The following PRPF38A variants were observed in gnomAD, a reference collection of about 807,000 sequenced individuals.
PRPF38A encodes pre-mRNA-splicing factor 38A.
PRPF38A carries 11 observed loss-of-function variants against 46.8 expected under a neutral mutation model. That is an observed-to-expected ratio of 0.24 (90% CI 0.15 to 0.39). PRPF38A has a LOEUF of 0.39. Among genes scored for constraint, PRPF38A ranks in the 10% least tolerant of loss-of-function variants. PRPF38A has a pLI of 1.00. For missense variants in PRPF38A, 261 were observed against 407.5 expected, an observed-to-expected ratio of 0.64 and a Z score of 3.10; for synonymous variants, 124 against 136.2, an observed-to-expected ratio of 0.91 and a Z score of 0.62.
chr1:52,405,609 C>A, intron 1 of PRPF38A, 71 bp from the exon 2 acceptor site: 2 of 1,466,836 alleles, frequency 1.4e-6, no homozygotes, highest in African/African-American at 1.4e-5. Context: ...AGAACCAAAG[C>A]TTGAACTAAC....
At position 52,418,550 on chromosome 1, in the gene PRPF38A, G is replaced by A. The variant is rs151261924; in HGVS notation, c.*1860G>A. On this transcript the variant is annotated 3_prime_UTR_variant, in exon 10 of 10. Coordinates refer to ENST00000257181, the MANE Select transcript of PRPF38A (RefSeq NM_032864.4). ...CCTAAACAAACATTAAAACATACTTGTTTAGACATATGGTAATATGTGGAC... is the reference window on the plus strand; with the variant it reads ...CCTAAACAAACATTAAAACATACTTATTTAGACATATGGTAATATGTGGAC... 1.6e-4 allele frequency: 25 copies of A among 152,282 alleles called. No homozygotes were observed. The East Asian group carries it at 4.8e-3, about 29-fold the overall frequency. The allele number at this position is 152,282 out of a possible 1,614,324, so 9.4% of individuals were successfully genotyped here.
chr1:52,410,732 C>T (rs1648128345), intron 3 of PRPF38A, among the ~76,000 whole-genome samples: 1 of 152,158 alleles, frequency 6.6e-6, no homozygotes, highest in African/African-American at 2.4e-5. Flanking sequence ...GAACTCCTAA[C>T]CTCAAGTGAT....
intron 6 of PRPF38A, 102 bp from the exon 7 acceptor site, chr1:52,414,518 TG>T: frequency 8.5e-7 from 1 of 1,170,912 alleles, no homozygotes; most frequent in African/African-American, 1.5e-5. Context: ...GATACAGAGG[TG>T]GGTGATACAG....
At chr1:52,414,026 T>G in intron 6 of PRPF38A, 35 bp downstream of exon 6, 1 of 1,413,594 alleles carries the variant, frequency 7.1e-7, no homozygotes, top group Non-Finnish European at 1.0e-6. Context: ...CCCAGAAGAT[T>G]TTGAGCACTG....
chr1:52,413,892 C>T lies in PRPF38A; in HGVS notation c.623C>T (p.Pro208Leu), dbSNP rs1648217386. 6 of 1,612,376 alleles carry T rather than the reference C, an allele frequency of 3.7e-6. No homozygotes were observed. The highest frequency in any genetic ancestry group is 1.3e-5 in the African/African-American group (1 of 74,804). ...TCTTGTTTCCAGTTGGAAAGAGTGC[C>T]ATCACCTGATCACCGCCGGAGAAGC... ...EEEDEKLERVPSPDHRRRSYR... is the reference protein window; with the variant it reads ...EEEDEKLERVLSPDHRRRSYR... Residue 208 changes from proline to leucine, a missense_variant, in exon 6 of 10, where the codon CCA (proline) becomes CTA (leucine). By Grantham distance (98) the Pro-to-Leu change is moderately conservative. Around this residue, in one of 2 missense-constraint regions of PRPF38A, gnomAD observed 180 missense variants for 221.0 expected, o/e 0.81. Coordinates refer to ENST00000257181, the MANE Select transcript of PRPF38A (RefSeq NM_032864.4).
At chr1:52,414,434 T>C (rs1648233858) in intron 6 of PRPF38A, among the ~76,000 whole-genome samples, 187 bp from the exon 7 acceptor site, 1 of 152,160 alleles carries the variant, frequency 6.6e-6, no homozygotes, top group Non-Finnish European at 1.5e-5. Context: ...AATATCTCAT[T>C]AGCCAAAGCG....
In PRPF38A at chr1:52,408,839, A is replaced by G. The variant is rs1159603539; in HGVS notation, c.412+149A>G. 3 of 990,046 alleles carry G rather than the reference A, an allele frequency of 3.0e-6. No homozygotes were observed. In the East Asian group the frequency reaches 8.0e-5, roughly 26 times the overall value. The allele number at this position is 990,046 out of a possible 1,614,324, so 61.3% of individuals were successfully genotyped here. On this transcript the variant is annotated intron_variant, in intron 3 of 9. Transcript: ENST00000257181. Reference sequence around the variant, plus strand: ...CTATGCAGGTTTTCCCTTGTCCCTCATGGGAGTTTTCAGTCTGACTACTAG... The same window carrying G: ...CTATGCAGGTTTTCCCTTGTCCCTCGTGGGAGTTTTCAGTCTGACTACTAG...
rs1648315958 is a variant in PRPF38A, at chr1:52,417,119, A to C, written c.*429A>C. 6.3e-6 allele frequency: 1 copy of C among 158,334 alleles called. No homozygotes were observed. Among genetic ancestry groups the C allele is most frequent in the South Asian group, 1.9e-4 (1 of 5,258 alleles). The allele number at this position is 158,334 out of a possible 1,614,324, so 9.8% of individuals were successfully genotyped here. On this transcript the variant is annotated 3_prime_UTR_variant, in exon 10 of 10. Transcript: ENST00000257181. ...TGTTATTCAAAGATCAAAGGAGTAAAACATAGTTGCTCCTAACTTTTTTCC... is the reference window on the plus strand; with the variant it reads ...TGTTATTCAAAGATCAAAGGAGTAACACATAGTTGCTCCTAACTTTTTTCC...
Position 52,418,026 on chromosome 1 carries a change from TG to T in PRPF38A, c.*1337del. On this transcript the variant is annotated 3_prime_UTR_variant, in exon 10 of 10. Transcript: ENST00000257181. ...AAAGTGATGGAATGACTTCTGCAAC[TG>T]TAGTCCCAGCAGGAACTGTGAAGAC... The T allele has an allele frequency of 1.3e-5, 2 of 152,764 alleles. No individual in the cohort carries two copies. Among genetic ancestry groups the T allele is most frequent in the Admixed American group, 1.3e-4 (2 of 15,300 alleles). The allele number at this position is 152,764 out of a possible 1,614,324, so 9.5% of individuals were successfully genotyped here.
At position 52,418,805 on chromosome 1, in the gene PRPF38A, T is replaced by C. The variant is rs1004645899; in HGVS notation, c.*2115T>C. On this transcript the variant is annotated 3_prime_UTR_variant, in exon 10 of 10. Transcript: ENST00000257181. Reference sequence around the variant, plus strand: ...AACTTTTTGACTACAGCATACATTTTAAAAACGTATTTTACATCTTACCTC... The same window carrying C: ...AACTTTTTGACTACAGCATACATTTCAAAAACGTATTTTACATCTTACCTC... 6.6e-6 allele frequency: 1 copy of C among 152,240 alleles called. No individual in the cohort carries two copies. The highest frequency in any genetic ancestry group is 1.5e-5 in the Non-Finnish European group (1 of 68,044). The allele number at this position is 152,240 out of a possible 1,614,324, so 9.4% of individuals were successfully genotyped here. A position where few individuals can be genotyped will look rare whatever the true frequency, so the allele number is the denominator to read the frequency against.
In PRPF38A at chr1:52,418,124, T is replaced by C. The variant is rs985544938; in HGVS notation, c.*1434T>C. The C allele has an allele frequency of 2.6e-5, 4 of 152,672 alleles. No homozygotes were observed. The highest frequency in any genetic ancestry group is 9.6e-5 in the African/African-American group (4 of 41,456). 9.5% of individuals were successfully genotyped at this position (152,672 alleles called of 1,614,324 possible). Reference sequence around the variant, plus strand: ...CATAAGGTAAACATTCTATATATTCTATGCCTGCTCTAGAATTGAAAGACT... The same window carrying C: ...CATAAGGTAAACATTCTATATATTCCATGCCTGCTCTAGAATTGAAAGACT... On this transcript the variant is annotated 3_prime_UTR_variant, in exon 10 of 10. Coordinates refer to ENST00000257181, the MANE Select transcript of PRPF38A (RefSeq NM_032864.4).
At chr1:52,414,473 T>G in intron 6 of PRPF38A, 148 bp from the exon 7 acceptor site, 1 of 765,504 alleles carries the variant, frequency 1.3e-6, no homozygotes. Flanking sequence ...AAAGTTAGAA[T>G]GGGAGGGTGC....
chr1:52,406,837 A>G (rs1158824897), intron 2 of PRPF38A, among the ~76,000 whole-genome samples: 1 of 152,186 alleles, frequency 6.6e-6, no homozygotes, highest in African/African-American at 2.4e-5. Context: ...AAACTGAGGC[A>G]CAGAGATTAA....
At position 52,413,994 on chromosome 1, in the gene PRPF38A, A is replaced by G. The variant is rs1454578973; in HGVS notation, c.722+3A>G. The G allele has an allele frequency of 1.3e-6, 2 of 1,594,116 alleles. No individual in the cohort carries two copies. The highest frequency in any genetic ancestry group is 2.7e-5 in the African/African-American group (2 of 74,540). On this transcript the variant is annotated splice_donor_region_variant and intron_variant, in intron 6 of 9. Coordinates refer to ENST00000257181, the MANE Select transcript of PRPF38A (RefSeq NM_032864.4). ...AGTAGGAGCCGGTCTCCCAGAAGGT[A>G]AAGCCTAGTCATTGGCCTTTTCCCA...
Position 52,412,517 on chromosome 1 carries a change from C to T in PRPF38A, c.502C>T (p.Arg168Cys). 2.5e-6 allele frequency: 4 copies of T among 1,608,974 alleles called. No individual in the cohort carries two copies. The highest frequency in any genetic ancestry group is 1.3e-5 in the African/African-American group (1 of 74,808). Residue 168 changes from arginine (R) to cysteine (C), a missense_variant, in exon 5 of 10, where the codon CGC (arginine) becomes TGC (cysteine). By Grantham distance (180) the Arg-to-Cys change is radical. Transcript: ENST00000257181. ...CDIILPRLQKRYVLEEAEQLE... is the reference protein window; with the variant it reads ...CDIILPRLQKCYVLEEAEQLE... ...ACTCTCATCATTTTCTCTGTAGAAACGCTATGTATTAGAGGAAGCTGAGCA... is the reference window on the plus strand; with the variant it reads ...ACTCTCATCATTTTCTCTGTAGAAATGCTATGTATTAGAGGAAGCTGAGCA...
chr1:52,418,740 TTCTG>T lies in PRPF38A; in HGVS notation c.*2053_*2056del, dbSNP rs1648361813. The T allele has an allele frequency of 6.6e-6, 1 of 152,002 alleles. No homozygotes were observed. Among genetic ancestry groups the T allele is most frequent in the South Asian group, 2.1e-4 (1 of 4,834 alleles). 9.4% of individuals were successfully genotyped at this position (152,002 alleles called of 1,614,324 possible). A position where few individuals can be genotyped will look rare whatever the true frequency, so the allele number is the denominator to read the frequency against. The stretch of plus-strand genomic sequence containing the variant: ...AGGACAAACCTTGCTGTAAGGCTCT[TTCTG>T]TCATCTATGTGCTTGCCTATGGATG... On this transcript the variant is annotated 3_prime_UTR_variant, in exon 10 of 10. Transcript: ENST00000257181.
At chr1:52,405,610 T>C (rs1647961530) in intron 1 of PRPF38A, 70 bp from the exon 2 acceptor site, 9 of 1,478,748 alleles carry the variant, frequency 6.1e-6, no homozygotes, top group Non-Finnish European at 8.4e-6. Flanking sequence ...GAACCAAAGC[T>C]TGAACTAACT....
At chr1:52,408,777 G>C (rs1254539487) in intron 3 of PRPF38A, 87 bp downstream of exon 3, 2 of 1,444,826 alleles carry the variant, frequency 1.4e-6, no homozygotes, top group South Asian at 1.3e-5. Context: ...GTCATAGACA[G>C]TGTGAATGCT....
intron 3 of PRPF38A, among the ~76,000 whole-genome samples, chr1:52,410,321 C>G (rs1397369877): frequency 6.7e-6 from 1 of 149,308 alleles, no homozygotes; most frequent in African/African-American, 2.4e-5. Flanking sequence ...TTTTTTCTAA[C>G]TCTAGCCAAA....
Sources: allele counts gnomAD v4.1 joint callset (sites outside exome capture counted in the v4.1 genomes callset), GRCh38; gene constraint gnomAD v4.1.1; regional missense constraint gnomAD v4.1.1; transcripts MANE v1.5; gene names NCBI Gene and HGNC (gene_info 2026-07-23, HGNC 2026-07-21).